Variants in NECAB1 observed in about 807,000 individuals in gnomAD.
NECAB1 encodes the protein N-terminal EF-hand calcium binding protein 1.
In NECAB1, 29 loss-of-function variants were observed where a neutral mutation model predicts 57.5. That is an observed-to-expected ratio of 0.50 (90% CI 0.38 to 0.69). The LOEUF is 0.69. NECAB1 is among the 30% of genes least tolerant of loss of function. The pLI is 0.00. For missense variants in NECAB1, 372 were observed against 413.8 expected, an observed-to-expected ratio of 0.90 and a Z score of 0.88; for synonymous variants, 142 against 147.7, an observed-to-expected ratio of 0.96 and a Z score of 0.28.
At chr8:90,831,904 T>A (rs1812303869) in intron 3 of NECAB1, among the ~76,000 whole-genome samples, 1 of 152,190 alleles carries the variant, frequency 6.6e-6, no homozygotes, top group African/African-American at 2.4e-5. Context: ...AAGAATTATG[T>A]ACAAAGCTAA....
In NECAB1 at chr8:90,794,908, C is replaced by G. The variant is rs142412365; in HGVS notation, c.99+2923C>G. The stretch of plus-strand genomic sequence containing the variant: ...GCTAGAATATGACAGAATTAAGTAT[C>G]GGTTCATCATAAATACTCTTGAATA... On this transcript the variant is annotated intron_variant, in intron 1 of 12. Transcript: ENST00000417640. Among the ~76,000 whole-genome samples, 1,455 of 152,234 alleles carry G rather than the reference C, an allele frequency of 9.6e-3. 12 individuals are homozygous for G. The highest frequency in any genetic ancestry group is 0.014 in the Non-Finnish European group (932 of 67,998).
At chr8:90,837,833 A>G (rs11994903) in intron 3 of NECAB1, among the ~76,000 whole-genome samples, 20,603 of 152,222 alleles carry the variant, frequency 0.14, 2,497 homozygotes, top group African/African-American at 0.32. Flanking sequence ...TGTTTAAATT[A>G]GAATGGACTG....
intron 4 of NECAB1, among the ~76,000 whole-genome samples, chr8:90,879,077 A>C (rs1316897590): frequency 7.6e-6 from 1 of 131,454 alleles, no homozygotes; most frequent in African/African-American, 3.5e-5. Flanking sequence ...TATAATATAT[A>C]TTATATATAT....
At chr8:90,801,517 A>G (rs1280199770) in intron 1 of NECAB1, among the ~76,000 whole-genome samples, 174 bp from the exon 2 acceptor site, 1 of 152,138 alleles carries the variant, frequency 6.6e-6, no homozygotes, top group Non-Finnish European at 1.5e-5. Context: ...TTATCCATGG[A>G]CATTTGGGTC....
At chr8:90,919,442 C>T (rs1296799285) in intron 6 of NECAB1, among the ~76,000 whole-genome samples, 1 of 152,152 alleles carries the variant, frequency 6.6e-6, no homozygotes, top group African/African-American at 2.4e-5. Flanking sequence ...GAATTTTCAA[C>T]CATGTGTTTA....
intron 2 of NECAB1, among the ~76,000 whole-genome samples, chr8:90,813,517 A>T (rs1408064825): frequency 6.6e-6 from 1 of 152,002 alleles, no homozygotes; most frequent in Middle Eastern, 3.2e-3. Flanking sequence ...CATAATTTTC[A>T]TGTTTTATTA....
chr8:90,943,788 G>A (rs960444262), intron 10 of NECAB1, among the ~76,000 whole-genome samples: 1 of 152,192 alleles, frequency 6.6e-6, no homozygotes, highest in Non-Finnish European at 1.5e-5. Context: ...ATCTTGCTCT[G>A]TTGCCCAGGC....
At chr8:90,927,270 GT>G (rs1432959326) in intron 7 of NECAB1, among the ~76,000 whole-genome samples, 2 of 136,206 alleles carry the variant, frequency 1.5e-5, no homozygotes, top group African/African-American at 5.9e-5. Context: ...TCATAATTTG[GT>G]GGGCCTTGAA....
intron 7 of NECAB1, among the ~76,000 whole-genome samples, chr8:90,926,271 G>T (rs143621489): frequency 6.6e-6 from 1 of 152,116 alleles, no homozygotes; most frequent in Admixed American, 6.5e-5. Flanking sequence ...TCACTTGAAC[G>T]TGTCATTTTA....
chr8:90,903,101 T>C (rs935242061), intron 5 of NECAB1, among the ~76,000 whole-genome samples: 4 of 152,068 alleles, frequency 2.6e-5, no homozygotes, highest in Non-Finnish European at 4.4e-5. Flanking sequence ...ATTTAAAATG[T>C]ACATGTAGTT....
chr8:90,832,219 A>G (rs1296065046), intron 3 of NECAB1, among the ~76,000 whole-genome samples: 1 of 152,168 alleles, frequency 6.6e-6, no homozygotes, highest in Non-Finnish European at 1.5e-5. Context: ...GAAAAAACCC[A>G]AAGTGGTTTT....
intron 3 of NECAB1, among the ~76,000 whole-genome samples, chr8:90,846,256 T>G (rs1010925804): frequency 2.0e-5 from 3 of 152,242 alleles, no homozygotes; most frequent in Non-Finnish European, 2.9e-5. Context: ...TGGTCACTGG[T>G]ATTTAATACT....
chr8:90,808,640 CTTTTTTTTTTT>C (rs200075536), intron 2 of NECAB1, among the ~76,000 whole-genome samples: 1 of 81,278 alleles, frequency 1.2e-5, no homozygotes, highest in African/African-American at 5.2e-5. Flanking sequence ...TTTTTCTTTT[CTTTTTTTTTTT>C]TTTTTTTTTT....
chr8:90,824,166 A>C (rs1022616425), intron 2 of NECAB1, among the ~76,000 whole-genome samples: 2 of 151,780 alleles, frequency 1.3e-5, no homozygotes, highest in African/African-American at 4.8e-5. Context: ...ATTATATGTT[A>C]TCTCTCTGAT....
intron 10 of NECAB1, 104 bp downstream of exon 10, chr8:90,941,002 G>A (rs1810657381): frequency 1.2e-6 from 1 of 814,356 alleles, no homozygotes. Flanking sequence ...ACAGATATTT[G>A]AGAATCCTCA....
chr8:90,910,724 G>A (rs1809810579), intron 5 of NECAB1, among the ~76,000 whole-genome samples: 1 of 152,112 alleles, frequency 6.6e-6, no homozygotes. Context: ...TAAGATTTTT[G>A]TGCTCTCTCA....
At chr8:90,819,233 T>C (rs1160009418) in intron 2 of NECAB1, among the ~76,000 whole-genome samples, 1 of 152,016 alleles carries the variant, frequency 6.6e-6, no homozygotes. Flanking sequence ...AGTAGAGCCA[T>C]ATTAATCATA....
At chr8:90,935,880 A>G (rs1015743470) in intron 9 of NECAB1, among the ~76,000 whole-genome samples, 2 of 152,176 alleles carry the variant, frequency 1.3e-5, no homozygotes, top group Non-Finnish European at 2.9e-5. Context: ...ACTTTAAACA[A>G]ATAAGACTGA....
chr8:90,858,393 A>G (rs1392321017), intron 3 of NECAB1, among the ~76,000 whole-genome samples: 1 of 152,196 alleles, frequency 6.6e-6, no homozygotes, highest in Non-Finnish European at 1.5e-5. Context: ...TGTTCTAATT[A>G]TTTTATAGAA....
Sources: allele counts gnomAD v4.1 joint callset (sites outside exome capture counted in the v4.1 genomes callset), GRCh38; gene constraint gnomAD v4.1.1; transcripts MANE v1.5; gene names NCBI Gene and HGNC (gene_info 2026-07-23, HGNC 2026-07-21).